Variants in PTER observed in about 807,000 individuals in gnomAD.
PTER encodes the protein N-acetyltaurine hydrolase.
A neutral mutation model predicts 29.6 loss-of-function variants in PTER; 38 were observed. The observed-to-expected ratio is 1.28, with a 90% CI of 0.99 to 1.68. The LOEUF (loss-of-function observed/expected upper bound fraction) is 1.68, where lower values mean the gene tolerates loss of function less well. PTER is among the 40% of genes most tolerant of loss of function. The probability of loss-of-function intolerance (pLI) is 0.00; values close to 1 mark genes in which losing one functional copy is unlikely to be tolerated. For synonymous variants in PTER, 172 were observed against 154.5 expected (o/e 1.11, Z -0.84); for missense variants, 482 against 427.8 (o/e 1.13, Z -1.12).
At chr10:16,443,903 TTGC>T (rs1263752849) in intron 1 of PTER, among the ~76,000 whole-genome samples, 1 of 152,238 alleles carries the variant, frequency 6.6e-6, no homozygotes, top group Non-Finnish European at 1.5e-5. Context: ...TGTGCTCATC[TTGC>T]TTAAATATGT....
At chr10:16,455,519 C>T (rs56163332) in intron 1 of PTER, among the ~76,000 whole-genome samples, 4 of 152,072 alleles carry the variant, frequency 2.6e-5, no homozygotes, top group South Asian at 4.2e-4. Context: ...ATCAATACCT[C>T]GTCTCTATTA....
At chr10:16,437,845 C>T (rs1054023563) in intron 1 of PTER, among the ~76,000 whole-genome samples, 1 of 152,176 alleles carries the variant, frequency 6.6e-6, no homozygotes, top group African/African-American at 2.4e-5. Context: ...CTGTTACTCT[C>T]TTAGACTACC....
chr10:16,463,863 G>C (rs1019239791), intron 1 of PTER, among the ~76,000 whole-genome samples: 19 of 152,294 alleles, frequency 1.2e-4, no homozygotes, highest in Admixed American at 1.2e-3. Context: ...AGTGGATTCT[G>C]CCTTTAGTGA....
chr10:16,517,225 A>G (rs1349040795), downstream of PTER, among the ~76,000 whole-genome samples: 1 of 152,198 alleles, frequency 6.6e-6, no homozygotes, highest in East Asian at 1.9e-4. Context: ...TTCTTATTAC[A>G]AGATAACTAT....
intron 1 of PTER, among the ~76,000 whole-genome samples, chr10:16,471,913 A>T (rs974488910): frequency 4.6e-5 from 7 of 152,218 alleles, no homozygotes; most frequent in African/African-American, 1.7e-4. Context: ...AAGACTTGGG[A>T]TACTTACTGC....
At chr10:16,450,906 A>G (rs774674812) in intron 1 of PTER, among the ~76,000 whole-genome samples, 68 of 152,158 alleles carry the variant, frequency 4.5e-4, no homozygotes, top group Non-Finnish European at 1.3e-4. Flanking sequence ...ATTTTGCATA[A>G]CTCTTTAAAC....
chr10:16,453,500 T>C (rs1298780215), intron 1 of PTER, among the ~76,000 whole-genome samples: 3 of 152,184 alleles, frequency 2.0e-5, no homozygotes, highest in Non-Finnish European at 4.4e-5. Flanking sequence ...ACACCATTAT[T>C]GTATACTTGC....
intron 1 of PTER, among the ~76,000 whole-genome samples, chr10:16,477,442 G>C (rs535827043): frequency 1.3e-5 from 2 of 152,148 alleles, no homozygotes; most frequent in East Asian, 3.9e-4. Flanking sequence ...CTTCCAAAGT[G>C]CTGGGACTAC....
chr10:16,439,182 C>T (rs143680461), intron 1 of PTER, among the ~76,000 whole-genome samples: 1 of 151,918 alleles, frequency 6.6e-6, no homozygotes. Flanking sequence ...TTTTGGAGGT[C>T]AGTAGCGGAG....
At chr10:16,515,530 G>A (rs1456122293), downstream of PTER, among the ~76,000 whole-genome samples, 1 of 152,134 alleles carries the variant, frequency 6.6e-6, no homozygotes, top group Non-Finnish European at 1.5e-5. Context: ...CTTACACTTA[G>A]GAGATTCTAA....
chr10:16,499,933 GTC>G (rs1391793207), intron 3 of PTER, among the ~76,000 whole-genome samples: 1 of 151,766 alleles, frequency 6.6e-6, no homozygotes, highest in Non-Finnish European at 1.5e-5. Flanking sequence ...TAGAGGCAGG[GTC>G]TCTCTGTGTT....
intron 1 of PTER, among the ~76,000 whole-genome samples, chr10:16,471,043 A>G (rs182972836): frequency 6.4e-4 from 97 of 152,344 alleles, no homozygotes; most frequent in Non-Finnish European, 5.0e-4. Context: ...TATTCAGGCC[A>G]TGGAGCTTTT....
intron 4 of PTER, among the ~76,000 whole-genome samples, chr10:16,506,741 G>C (rs1408139431): frequency 2.0e-5 from 3 of 151,844 alleles, no homozygotes; most frequent in Non-Finnish European, 1.5e-5. Flanking sequence ...TAGTGTCTCT[G>C]TGAGGTGGAC....
intron 4 of PTER, among the ~76,000 whole-genome samples, chr10:16,508,112 A>C (rs1836655010): frequency 7.8e-6 from 1 of 127,874 alleles, no homozygotes; most frequent in Admixed American, 9.5e-5. Flanking sequence ...TCTGTCGCCC[A>C]GGCAGGAGCG....
intron 3 of PTER, among the ~76,000 whole-genome samples, chr10:16,497,748 A>G (rs1038190343): frequency 6.6e-6 from 1 of 152,164 alleles, no homozygotes; most frequent in Non-Finnish European, 1.5e-5. Context: ...CCTTTCTCCC[A>G]CACAGAGTGC....
At chr10:16,443,882 A>G (rs1833927690) in intron 1 of PTER, among the ~76,000 whole-genome samples, 1 of 152,164 alleles carries the variant, frequency 6.6e-6, no homozygotes, top group Non-Finnish European at 1.5e-5. Flanking sequence ...TCTTTCTATA[A>G]AGTGGTATCT....
intron 1 of PTER, among the ~76,000 whole-genome samples, chr10:16,459,760 T>C (rs1244887273): frequency 6.6e-6 from 1 of 152,008 alleles, no homozygotes; most frequent in African/African-American, 2.4e-5. Context: ...ATTTATTTAC[T>C]TATTTGAGAC....
rs1209184458 is a variant in PTER at position 16,512,181 on chromosome 10, A to G, written c.*925A>G. The G allele has an allele frequency of 6.6e-6, 1 of 152,160 alleles. No individual in the cohort carries two copies. Among genetic ancestry groups the G allele is most frequent in the African/African-American group, 2.4e-5 (1 of 41,438 alleles). 9.4% of individuals were successfully genotyped at this position (152,160 alleles called of 1,614,324 possible). ...TGTATCTGAAGAAAAGGTCAGATCTATTGGAAATGACAGCCCGATACTTGA... is the reference window on the plus strand; with the variant it reads ...TGTATCTGAAGAAAAGGTCAGATCTGTTGGAAATGACAGCCCGATACTTGA... On this transcript the variant is annotated 3_prime_UTR_variant, in exon 5 of 5. Transcript: ENST00000535784.
At chr10:16,507,358 G>T (rs1836615002) in intron 4 of PTER, among the ~76,000 whole-genome samples, 1 of 152,080 alleles carries the variant, frequency 6.6e-6, no homozygotes, top group African/African-American at 2.4e-5. Flanking sequence ...GGAGATTTCA[G>T]AGGGGGAGCA....
Sources: gnomAD v4.1 joint callset for allele counts (sites outside exome capture counted in the v4.1 genomes callset) on GRCh38, gnomAD v4.1.1 for gene constraint, MANE v1.5 for transcripts, NCBI Gene and HGNC (gene_info 2026-07-23, HGNC 2026-07-21) for gene names.